Variants in PLXNA4 observed in about 807,000 individuals in gnomAD.
The protein encoded by PLXNA4 is plexin A4.
Under a neutral mutation model 191.8 loss-of-function variants are expected in PLXNA4, and 44 were observed. That is an observed-to-expected ratio of 0.23 (90% CI 0.18 to 0.29). The LOEUF (loss-of-function observed/expected upper bound fraction) is 0.29, where lower values mean the gene tolerates loss of function less well. Among genes scored for constraint, PLXNA4 ranks in the 10% least tolerant of loss-of-function variants. PLXNA4 has a pLI of 1.00. For synonymous variants in PLXNA4, 1,082 were observed against 1,009.5 expected (o/e 1.07, Z -1.36); for missense variants, 1,800 against 2,488.8 (o/e 0.72, Z 5.89).
chr7:132,281,238 A>G (rs1800467377), intron 4 of PLXNA4, among the ~76,000 whole-genome samples: 1 of 152,200 alleles, frequency 6.6e-6, no homozygotes, highest in Admixed American at 6.5e-5. Flanking sequence ...ACTGAAAAGG[A>G]CACCTCACAT....
rs577846348 is a variant in PLXNA4, at chr7:132,156,058, A to G, written c.4660+3415T>C. On this transcript the variant is annotated intron_variant, in intron 25 of 31. Coordinates refer to ENST00000321063, the MANE Select transcript of PLXNA4 (RefSeq NM_020911.2). ...TCCAGCCTGCCAGCCAACCCTGCAG[A>G]TTTTCGACTTGCCAGCCTCCATAAT... Among the ~76,000 whole-genome samples the G allele has an allele frequency of 4.0e-5, 6 of 151,600 alleles. No homozygotes were observed. The South Asian group carries it at 1.3e-3, about 32-fold the overall frequency.
rs564801260 is a variant in PLXNA4, at chr7:132,239,076, G to T, written c.1604+1990C>A. Among the ~76,000 whole-genome samples the T allele has an allele frequency of 2.4e-4, 37 of 152,352 alleles. 1 individual carries two copies. In the South Asian group the frequency reaches 7.5e-3, roughly 31 times the overall value. ...TCCATGGCTGTTTTTATGCCATGCTGAGACTGGAGCAGCTGGCTTCCCCGT... is the reference window on the plus strand; with the variant it reads ...TCCATGGCTGTTTTTATGCCATGCTTAGACTGGAGCAGCTGGCTTCCCCGT... On this transcript the variant is annotated intron_variant, in intron 5 of 31. Transcript: ENST00000321063.
intron 2 of PLXNA4, among the ~76,000 whole-genome samples, chr7:132,613,112 C>A (rs768542439): frequency 6.6e-6 from 1 of 152,136 alleles, no homozygotes; most frequent in Non-Finnish European, 1.5e-5. Flanking sequence ...GACCTACTAG[C>A]GATTCCTCTC....
At chr7:132,497,122 G>GCACACACACACA (rs34913954) in intron 2 of PLXNA4, among the ~76,000 whole-genome samples, 1 of 150,182 alleles carries the variant, frequency 6.7e-6, no homozygotes, top group African/African-American at 2.4e-5. Context: ...GTGCACGCAC[G>GCACACACACACA]CACACACACA....
chr7:132,561,800 C>T (rs1563173103), intron 1 of PLXNA4, among the ~76,000 whole-genome samples: 1 of 136,574 alleles, frequency 7.3e-6, no homozygotes, highest in African/African-American at 2.8e-5. Context: ...CCTCCTCCTC[C>T]TTATCCTCCT....
At chr7:132,439,995 A>AGT (rs3067108) in intron 3 of PLXNA4, among the ~76,000 whole-genome samples, 23,746 of 149,720 alleles carry the variant, frequency 0.16, 3,341 homozygotes, top group African/African-American at 0.37. Context: ...TGCATGTGTG[A>AGT]GTGTGTGTGT....
At chr7:132,505,170 G>A (rs1798409301) in intron 2 of PLXNA4, among the ~76,000 whole-genome samples, 1 of 152,194 alleles carries the variant, frequency 6.6e-6, no homozygotes, top group Non-Finnish European at 1.5e-5. Flanking sequence ...AAAATCAAAA[G>A]CTTGTTATCT....
intron 24 of PLXNA4, among the ~76,000 whole-genome samples, chr7:132,161,017 C>A (rs538221365): frequency 6.6e-6 from 1 of 152,204 alleles, no homozygotes; most frequent in African/African-American, 2.4e-5. Context: ...CTGCCTCAAG[C>A]GCTCCATGTG....
chr7:132,462,917 T>A (rs1165791011), intron 3 of PLXNA4, among the ~76,000 whole-genome samples: 1 of 149,782 alleles, frequency 6.7e-6, no homozygotes, highest in Admixed American at 6.7e-5. Flanking sequence ...TGGTGCAATC[T>A]TGGCTCACTG....
At position 132,313,456 on chromosome 7, in the gene PLXNA4, T is replaced by G. The variant is rs557682351; in HGVS notation, c.1372-15234A>C. Among the ~76,000 whole-genome samples, 18 of 152,148 alleles carry G rather than the reference T, an allele frequency of 1.2e-4. No homozygotes were observed. The South Asian group carries it at 3.5e-3, about 30-fold the overall frequency. On this transcript the variant is annotated intron_variant, in intron 3 of 31. Coordinates refer to ENST00000321063, the MANE Select transcript of PLXNA4 (RefSeq NM_020911.2). The stretch of plus-strand genomic sequence containing the variant: ...TATCTTGGTCTAGCCAAAAGGCAGT[T>G]GGAATAGAGGGTAAGGACAGAGGGA...
intron 4 of PLXNA4, among the ~76,000 whole-genome samples, chr7:132,292,703 C>T (rs531047980): frequency 6.6e-6 from 1 of 152,148 alleles, no homozygotes; most frequent in Non-Finnish European, 1.5e-5. Context: ...AGGTCCCTGC[C>T]CTCCAGGAAC....
In PLXNA4 at chr7:132,424,588, G is replaced by A. The variant is rs550198516; in HGVS notation, c.1371+64704C>T. 1.1e-3 allele frequency among the ~76,000 whole-genome samples: 164 copies of A among 152,086 alleles called. 1 individual carries two copies. The highest frequency in any genetic ancestry group is 1.9e-3 in the Non-Finnish European group (130 of 67,968). ...TCCTGCCCAGGGCTCCCTGTGACCT[G>A]CCCCTCCCCCATGTGAGGACACTAT... On this transcript the variant is annotated intron_variant, in intron 3 of 31. Transcript: ENST00000321063.
chr7:132,414,647 C>T (rs1387589457), intron 3 of PLXNA4, among the ~76,000 whole-genome samples: 2 of 152,140 alleles, frequency 1.3e-5, no homozygotes, highest in African/African-American at 4.8e-5. Flanking sequence ...ACAGAAAGTA[C>T]TCCACTGATT....
chr7:132,347,487 G>A (rs187647369), intron 3 of PLXNA4, among the ~76,000 whole-genome samples: 9 of 152,286 alleles, frequency 5.9e-5, no homozygotes, highest in East Asian at 1.9e-4. Context: ...CAAAAGGATC[G>A]GGAACCAACC....
At chr7:132,416,049 A>G (rs994897983) in intron 3 of PLXNA4, among the ~76,000 whole-genome samples, 1 of 152,246 alleles carries the variant, frequency 6.6e-6, no homozygotes, top group Admixed American at 6.5e-5. Flanking sequence ...TAGTCATACT[A>G]GCCACATTTC....
intron 2 of PLXNA4, among the ~76,000 whole-genome samples, chr7:132,507,014 GA>G (rs1337341316): frequency 1.4e-4 from 21 of 152,162 alleles, no homozygotes; most frequent in African/African-American, 4.6e-4. Flanking sequence ...CACCTCTCCT[GA>G]AATTCCATAT....
chr7:132,471,065 C>A (rs1196066214), intron 3 of PLXNA4, among the ~76,000 whole-genome samples: 1 of 152,136 alleles, frequency 6.6e-6, no homozygotes, highest in Non-Finnish European at 1.5e-5. Flanking sequence ...GGTTTAGTAC[C>A]ATCCGCTTGG....
intron 1 of PLXNA4, among the ~76,000 whole-genome samples, chr7:132,564,847 C>T (rs1257863520): frequency 3.3e-5 from 5 of 152,154 alleles, no homozygotes; most frequent in Admixed American, 6.5e-5. Context: ...TGGAGATCCC[C>T]CCGGGGACCC....
Position 132,407,761 on chromosome 7 carries a change from T to A in PLXNA4, c.1371+81531A>T, listed in dbSNP as rs1325374663. Among the ~76,000 whole-genome samples, 3 of 152,338 alleles carry A rather than the reference T, an allele frequency of 2.0e-5. No individual in the cohort carries two copies. In the South Asian group the frequency reaches 6.2e-4, roughly 32 times the overall value. On this transcript the variant is annotated intron_variant, in intron 3 of 31. Transcript: ENST00000321063. ...GGCTTTGTTGAATTGTGAAGAATGT[T>A]AAATGAAACTGTTTATTCATATCAC...
Sources: allele counts gnomAD v4.1 joint callset (sites outside exome capture counted in the v4.1 genomes callset), GRCh38; gene constraint gnomAD v4.1.1; transcripts MANE v1.5; gene names NCBI Gene and HGNC (gene_info 2026-07-23, HGNC 2026-07-21).